Variants in LRP1B observed in about 807,000 individuals in gnomAD.
LRP1B encodes the protein low-density lipoprotein receptor-related protein 1B.
Under a neutral mutation model 556.6 loss-of-function variants are expected in LRP1B, and 217 were observed. The ratio of observed to expected loss-of-function variants is 0.39; its 90% CI spans 0.35 to 0.44. The LOEUF is 0.44. Among genes scored for constraint, LRP1B ranks in the 20% least tolerant of loss-of-function variants. The probability of loss-of-function intolerance (pLI) is 1.00; values close to 1 mark genes in which losing one functional copy is unlikely to be tolerated. For missense variants in LRP1B, 5,053 were observed against 5,620.8 expected (o/e 0.90, Z 3.23); for synonymous variants, 2,047 against 1,865.8 (o/e 1.10, Z -2.50).
At chr2:141,498,348 T>A (rs1321265879) in intron 2 of LRP1B, among the ~76,000 whole-genome samples, 4 of 122,592 alleles carry the variant, frequency 3.3e-5, no homozygotes, top group African/African-American at 1.1e-4. Context: ...GACAACATCT[T>A]TAAAATCCTT....
chr2:140,464,195 A>AAAAAAT (rs1382521614), intron 60 of LRP1B, among the ~76,000 whole-genome samples: 4 of 150,776 alleles, frequency 2.7e-5, no homozygotes, highest in Non-Finnish European at 4.4e-5. Context: ...GACTTGTCTC[A>AAAAAAT]AATAATAATA....
At chr2:140,771,217 C>G (rs946858517) in intron 33 of LRP1B, among the ~76,000 whole-genome samples, 6 of 151,996 alleles carry the variant, frequency 3.9e-5, no homozygotes, top group African/African-American at 1.4e-4. Context: ...AACAGACATA[C>G]ATGAGAAGAT....
At chr2:141,394,825 A>G (rs768613876) in intron 3 of LRP1B, among the ~76,000 whole-genome samples, 7 of 152,156 alleles carry the variant, frequency 4.6e-5, no homozygotes, top group African/African-American at 1.7e-4. Context: ...TAGCATTTAC[A>G]TGCCAATCTA....
chr2:141,266,724 AT>A (rs1304432021), intron 3 of LRP1B, among the ~76,000 whole-genome samples: 1 of 152,178 alleles, frequency 6.6e-6, no homozygotes, highest in African/African-American at 2.4e-5. Flanking sequence ...TTAGATTCTG[AT>A]TTATTTAGAA....
chr2:140,485,767 G>A (rs1369324245), intron 58 of LRP1B, among the ~76,000 whole-genome samples: 1 of 150,282 alleles, frequency 6.7e-6, no homozygotes, highest in Non-Finnish European at 1.5e-5. Flanking sequence ...AAAAGTTGTT[G>A]GAGAGCTGCA....
chr2:140,957,895 A>G (rs1411604251), intron 18 of LRP1B, among the ~76,000 whole-genome samples: 2 of 151,598 alleles, frequency 1.3e-5, no homozygotes, highest in Non-Finnish European at 3.0e-5. Flanking sequence ...AGAAAGAGAT[A>G]TCTCAGCCTA....
chr2:142,086,548 G>T (rs929025118), intron 1 of LRP1B, among the ~76,000 whole-genome samples: 2 of 151,832 alleles, frequency 1.3e-5, no homozygotes, highest in Non-Finnish European at 2.9e-5. Flanking sequence ...GGAGGCAGAG[G>T]TCTCAGTGGG....
chr2:140,870,722 AT>A lies in LRP1B; in HGVS notation c.4170-2460del, dbSNP rs1387007097. On this transcript the variant is annotated intron_variant, in intron 25 of 90. Coordinates refer to ENST00000389484, the MANE Select transcript of LRP1B (RefSeq NM_018557.3). ...AAATTTTCTCTTCATTTAATTATAT[AT>A]AGTTTTATTATTTTTGACTTCTATT... Among the ~76,000 whole-genome samples, 7 of 152,262 alleles carry A rather than the reference AT, an allele frequency of 4.6e-5. No individual in the cohort carries two copies. In the East Asian group the frequency reaches 1.4e-3, roughly 29 times the overall value.
At chr2:141,205,119 TTAAAG>T (rs1233196283) in intron 6 of LRP1B, among the ~76,000 whole-genome samples, 3 of 152,158 alleles carry the variant, frequency 2.0e-5, no homozygotes, top group African/African-American at 4.8e-5. Flanking sequence ...ATCAATATTA[TTAAAG>T]TAATGTTTCT....
chr2:141,961,355 G>C (rs758562488), intron 1 of LRP1B, among the ~76,000 whole-genome samples: 7 of 151,678 alleles, frequency 4.6e-5, no homozygotes, highest in Non-Finnish European at 1.0e-4. Context: ...TGTTGGGAGA[G>C]AGGAGACAAG....
intron 43 of LRP1B, among the ~76,000 whole-genome samples, chr2:140,577,411 C>T (rs554176912): frequency 9.7e-5 from 14 of 144,050 alleles, no homozygotes; most frequent in African/African-American, 3.5e-4. Context: ...TGAACTTTAT[C>T]CACTACTGAA....
chr2:141,877,194 A>C (rs757084592), intron 1 of LRP1B, among the ~76,000 whole-genome samples: 3 of 152,104 alleles, frequency 2.0e-5, no homozygotes, highest in African/African-American at 7.2e-5. Flanking sequence ...AGTGTTAAAC[A>C]TTAGTTTTTT....
At chr2:140,695,149 G>A (rs1263815700) in intron 41 of LRP1B, among the ~76,000 whole-genome samples, 1 of 151,346 alleles carries the variant, frequency 6.6e-6, no homozygotes, top group African/African-American at 2.4e-5. Context: ...ATCCTAAAGG[G>A]GTTATTTTTT....
At chr2:141,705,706 C>CA (rs1352585920) in intron 2 of LRP1B, among the ~76,000 whole-genome samples, 1 of 151,964 alleles carries the variant, frequency 6.6e-6, no homozygotes, top group African/African-American at 2.4e-5. Flanking sequence ...AGATGAGCTG[C>CA]AAAGGCCTAA....
intron 86 of LRP1B, among the ~76,000 whole-genome samples, chr2:140,255,859 A>C (rs1355051769): frequency 6.6e-6 from 1 of 152,198 alleles, no homozygotes; most frequent in Non-Finnish European, 1.5e-5. Context: ...GAAACTTTTT[A>C]CATATAAGAC....
chr2:141,448,329 C>T (rs1339862193), intron 3 of LRP1B, among the ~76,000 whole-genome samples: 2 of 152,162 alleles, frequency 1.3e-5, no homozygotes, highest in East Asian at 3.9e-4. Flanking sequence ...AATTTCAAAC[C>T]ACTAGGTCTT....
chr2:141,088,608 A>G (rs1399343566), intron 7 of LRP1B, among the ~76,000 whole-genome samples: 4 of 152,208 alleles, frequency 2.6e-5, no homozygotes, highest in Non-Finnish European at 5.9e-5. Flanking sequence ...GTCATATGCC[A>G]TAGGATGACT....
chr2:141,289,305 C>T (rs1685849211), intron 3 of LRP1B, among the ~76,000 whole-genome samples: 1 of 149,686 alleles, frequency 6.7e-6, no homozygotes, highest in South Asian at 2.1e-4. Flanking sequence ...TGGCGTGAAC[C>T]CAGGAGGCGG....
intron 2 of LRP1B, among the ~76,000 whole-genome samples, chr2:141,679,637 A>G (rs1041601466): frequency 2.4e-4 from 36 of 152,160 alleles, no homozygotes; most frequent in Non-Finnish European, 4.9e-4. Flanking sequence ...AATATAAATA[A>G]GCATGCACAT....
Sources: allele counts gnomAD v4.1 joint callset (sites outside exome capture counted in the v4.1 genomes callset), GRCh38; gene constraint gnomAD v4.1.1; transcripts MANE v1.5; gene names NCBI Gene and HGNC (gene_info 2026-07-23, HGNC 2026-07-21).